BEND4: variants seen among roughly 807,000 people sequenced by gnomAD.
The protein encoded by BEND4 is BEN domain containing 4.
A neutral mutation model predicts 54.7 loss-of-function variants in BEND4; 27 were observed. The observed-to-expected ratio is 0.49, with a 90% CI of 0.36 to 0.68. The LOEUF (loss-of-function observed/expected upper bound fraction) is 0.68, where lower values mean the gene tolerates loss of function less well. Among genes scored for constraint, BEND4 ranks in the 30% least tolerant of loss-of-function variants. BEND4 has a pLI of 0.00. For missense variants in BEND4, 702 were observed against 697.2 expected (o/e 1.01, Z -0.08); for synonymous variants, 327 against 299.5 (o/e 1.09, Z -0.95).
intron 3 of BEND4, among the ~76,000 whole-genome samples, chr4:42,136,397 T>C (rs915229222): frequency 6.6e-6 from 1 of 152,236 alleles, no homozygotes; most frequent in African/African-American, 2.4e-5. Flanking sequence ...GTTAGTTCTC[T>C]AGTTTGTAGC....
At chr4:42,117,764 A>G in intron 5 of BEND4, 29 bp from the exon 6 acceptor site, 1 of 1,476,344 alleles carries the variant, frequency 6.8e-7, no homozygotes, top group Non-Finnish European at 9.2e-7. Context: ...CATCAAAAAG[A>G]GAGAGAGAAA....
chr4:42,140,483 A>G (rs895567276), intron 3 of BEND4, among the ~76,000 whole-genome samples: 1 of 152,208 alleles, frequency 6.6e-6, no homozygotes, highest in African/African-American at 2.4e-5. Context: ...TTGAATGTTT[A>G]CAGTAATAGG....
At chr4:42,119,938 G>A (rs947359060) in intron 5 of BEND4, 116 bp downstream of exon 5, 5 of 1,323,472 alleles carry the variant, frequency 3.8e-6, no homozygotes, top group African/African-American at 2.9e-5. Context: ...AAGCCTAGAC[G>A]TTCTCAGCAG....
rs948361760 is a variant in BEND4 at position 42,111,233 on chromosome 4, C to A, written c.*6285G>T. 1 of 152,190 alleles carries A rather than the reference C, an allele frequency of 6.6e-6. No individual in the cohort carries two copies. The highest frequency in any genetic ancestry group is 2.4e-5 in the African/African-American group (1 of 41,442). The allele number at this position is 152,190 out of a possible 1,614,324, so 9.4% of individuals were successfully genotyped here. A position where few individuals can be genotyped will look rare whatever the true frequency, so the allele number is the denominator to read the frequency against. ...CACTATGCATTTGTAGCTTTATTAA[C>A]ATATCCCTAGTGGGTATTAACTCTA... On this transcript the variant is annotated 3_prime_UTR_variant, in exon 6 of 6. Coordinates refer to ENST00000502486, the MANE Select transcript of BEND4 (RefSeq NM_207406.4).
At chr4:42,126,284 T>C (rs897967563) in intron 3 of BEND4, among the ~76,000 whole-genome samples, 1 of 152,196 alleles carries the variant, frequency 6.6e-6, no homozygotes, top group Non-Finnish European at 1.5e-5. Flanking sequence ...TGTCTTGACT[T>C]ATTTGACTCA....
chr4:42,151,979 G>A lies in BEND4; in HGVS notation c.165C>T (p.Pro55=). ...GCGCGAAGGGCGGCGGGGGCGGCGG[G>A]GGCGCCCGCACGTGCGGCAGCTCCA... ...TLVELPHVRA[P]PPPPPPFAPH... Residue 55 remains proline (P), a synonymous_variant, in exon 2 of 6, where the codon CCC becomes CCT. Transcript: ENST00000502486. The A allele has an allele frequency of 8.0e-7, 1 of 1,252,990 alleles. No individual in the cohort carries two copies. Among genetic ancestry groups the A allele is most frequent in the African/African-American group, 1.6e-5 (1 of 64,290 alleles). 77.6% of individuals were successfully genotyped at this position (1,252,990 alleles called of 1,614,324 possible). A position where few individuals can be genotyped will look rare whatever the true frequency, so the allele number is the denominator to read the frequency against.
chr4:42,144,144 G>A lies in BEND4; in HGVS notation c.488-150C>T, dbSNP rs1286445373. Reference sequence around the variant, plus strand: ...CAAGATGACACAATAAATCCACTGTGAATAGAACGCATAGCTTCCTGTTGT... The same window carrying A: ...CAAGATGACACAATAAATCCACTGTAAATAGAACGCATAGCTTCCTGTTGT... On this transcript the variant is annotated intron_variant, in intron 2 of 5. Coordinates refer to ENST00000502486, the MANE Select transcript of BEND4 (RefSeq NM_207406.4). The A allele has an allele frequency of 5.8e-6, 4 of 694,578 alleles. No individual in the cohort carries two copies. The African/African-American group carries it at 7.1e-5, about 12-fold the overall frequency. The allele number at this position is 694,578 out of a possible 1,614,324, so 43.0% of individuals were successfully genotyped here.
intron 2 of BEND4, among the ~76,000 whole-genome samples, chr4:42,146,330 G>A (rs1395858818): frequency 6.6e-6 from 1 of 152,246 alleles, no homozygotes; most frequent in Admixed American, 6.5e-5. Context: ...ACATGGGTTG[G>A]TTGTAAATTC....
chr4:42,126,302 G>C (rs960308403), intron 3 of BEND4, among the ~76,000 whole-genome samples: 5 of 152,208 alleles, frequency 3.3e-5, no homozygotes, highest in African/African-American at 1.2e-4. Flanking sequence ...TCAGGTTGCA[G>C]CAGTAGCACC....
chr4:42,146,462 T>C (rs571384995), intron 2 of BEND4, among the ~76,000 whole-genome samples: 2 of 152,364 alleles, frequency 1.3e-5, no homozygotes, highest in African/African-American at 4.8e-5. Context: ...TGAGGCACTA[T>C]TTGTACTCTT....
At chr4:42,122,819 C>T (rs949366700) in intron 4 of BEND4, among the ~76,000 whole-genome samples, 4 of 152,058 alleles carry the variant, frequency 2.6e-5, no homozygotes, top group Non-Finnish European at 4.4e-5. Flanking sequence ...TTTATCTTAC[C>T]AAGGAGGTCA....
chr4:42,148,694 T>C (rs536436481), intron 2 of BEND4, among the ~76,000 whole-genome samples: 23 of 152,354 alleles, frequency 1.5e-4, no homozygotes, highest in Admixed American at 7.8e-4. Context: ...CTCAAAAGCT[T>C]GACAGTCAGG....
chr4:42,145,074 T>C (rs925197357), intron 2 of BEND4, among the ~76,000 whole-genome samples: 2 of 152,196 alleles, frequency 1.3e-5, no homozygotes, highest in African/African-American at 4.8e-5. Flanking sequence ...CTATAACTAT[T>C]GTTTAAGATA....
intron 3 of BEND4, among the ~76,000 whole-genome samples, chr4:42,137,753 A>T (rs906169711): frequency 7.9e-5 from 12 of 152,198 alleles, no homozygotes; most frequent in Admixed American, 7.9e-4. Context: ...ATACTCCTCC[A>T]CAGTGGAAAA....
chr4:42,112,466 G>C lies in BEND4; in HGVS notation c.*5052C>G, dbSNP rs1349907315. On this transcript the variant is annotated 3_prime_UTR_variant, in exon 6 of 6. Coordinates refer to ENST00000502486, the MANE Select transcript of BEND4 (RefSeq NM_207406.4). ...CTGGCCCAATTATTCCAAGAATAAA[G>C]AGGTTTTCAAATGAGTCTTACTAGC... is the stretch of plus-strand genomic sequence containing the variant. The C allele has an allele frequency of 2.0e-5, 3 of 152,192 alleles. No homozygotes were observed. Among genetic ancestry groups the C allele is most frequent in the East Asian group, 3.8e-4 (2 of 5,204 alleles). 9.4% of individuals were successfully genotyped at this position (152,192 alleles called of 1,614,324 possible).
chr4:42,131,773 C>T (rs1720515490), intron 3 of BEND4, among the ~76,000 whole-genome samples: 1 of 151,998 alleles, frequency 6.6e-6, no homozygotes, highest in Non-Finnish European at 1.5e-5. Flanking sequence ...GAAGACAAGG[C>T]TCATATTTGG....
chr4:42,138,934 G>T (rs1414812667), intron 3 of BEND4, among the ~76,000 whole-genome samples: 1 of 152,186 alleles, frequency 6.6e-6, no homozygotes, highest in Non-Finnish European at 1.5e-5. Flanking sequence ...GGAACATAAA[G>T]ATTGGTGTAG....
intron 4 of BEND4, among the ~76,000 whole-genome samples, chr4:42,121,788 T>C (rs1720071134): frequency 6.6e-6 from 1 of 152,086 alleles, no homozygotes; most frequent in Admixed American, 6.5e-5. Flanking sequence ...GTGAAAGCTG[T>C]CGAACTGAGA....
intron 2 of BEND4, among the ~76,000 whole-genome samples, chr4:42,150,143 T>A (rs1483137549): frequency 2.6e-5 from 4 of 151,192 alleles, no homozygotes; most frequent in African/African-American, 9.7e-5. Flanking sequence ...GAACAAGAAG[T>A]AGTTTAGGAG....
Sources: gnomAD v4.1 joint callset for allele counts (sites outside exome capture counted in the v4.1 genomes callset) on GRCh38, gnomAD v4.1.1 for gene constraint, MANE v1.5 for transcripts, NCBI Gene and HGNC (gene_info 2026-07-23, HGNC 2026-07-21) for gene names.